Variants in ADA2 observed in about 807,000 individuals in gnomAD.
The protein encoded by ADA2 is adenosine deaminase 2.
A neutral mutation model predicts 44.2 loss-of-function variants in ADA2; 29 were observed. The observed-to-expected ratio is 0.66, with a 90% CI of 0.49 to 0.89. ADA2 has a LOEUF of 0.89. Among genes scored for constraint, ADA2 ranks in the 40% least tolerant of loss-of-function variants. The pLI, the probability that ADA2 is intolerant of heterozygous loss-of-function variation, is 0.00. For missense variants in ADA2, 637 were observed against 644.8 expected (o/e 0.99, Z 0.13); for synonymous variants, 215 against 234.9 (o/e 0.92, Z 0.77).
intron 4 of ADA2, among the ~76,000 whole-genome samples, chr22:17,200,699 T>C (rs554080670): frequency 1.3e-5 from 2 of 152,038 alleles, no homozygotes; most frequent in South Asian, 4.1e-4. Flanking sequence ...CTAGCCAACA[T>C]GGTAAAACCC....
At chr22:17,196,809 C>T (rs5747018) in intron 4 of ADA2, among the ~76,000 whole-genome samples, 89,457 of 152,014 alleles carry the variant, frequency 0.59, 27,250 homozygotes, top group East Asian at 0.91. Flanking sequence ...GGAGTCATGC[C>T]AGCAGAATAG....
intron 4 of ADA2, among the ~76,000 whole-genome samples, chr22:17,198,345 G>T (rs1344861786): frequency 1.3e-5 from 2 of 152,166 alleles, no homozygotes; most frequent in Non-Finnish European, 2.9e-5. Flanking sequence ...TATACAGCTG[G>T]GCTGAAGATC....
intron 7 of ADA2, among the ~76,000 whole-genome samples, chr22:17,184,665 C>T (rs375610081): frequency 4.6e-5 from 7 of 152,040 alleles, no homozygotes; most frequent in South Asian, 2.1e-4. Context: ...CGGTGGCTCA[C>T]ACCTGTAATC....
At chr22:17,213,954 G>T in intron 1 of ADA2, 1 of 326,722 alleles carries the variant, frequency 3.1e-6, no homozygotes, top group Non-Finnish European at 5.9e-6. Flanking sequence ...CAGGAGAATC[G>T]CTTGAACCCG....
In ADA2 at chr22:17,181,588, G is replaced by A; in HGVS notation, c.1443-12C>T. The A allele has an allele frequency of 6.3e-7, 1 of 1,579,842 alleles. No individual in the cohort carries two copies. The highest frequency in any genetic ancestry group is 2.2e-5 in the East Asian group (1 of 44,732). ...ACAGGGTACTGTACCTGCAGGAAGA[G>A]GAGGAGCCCAGGTCAGCCTCAGGGC... On this transcript the variant is annotated splice_polypyrimidine_tract_variant and intron_variant, in intron 9 of 9. Transcript: ENST00000399837.
intron 4 of ADA2, among the ~76,000 whole-genome samples, chr22:17,194,582 C>T (rs1450866111): frequency 6.6e-6 from 1 of 152,096 alleles, no homozygotes; most frequent in Non-Finnish European, 1.5e-5. Context: ...CTCTGCTGCC[C>T]CCATGAAGCC....
At chr22:17,199,416 T>TCCTCCCTCCCTCCTCTATCCTCTTCC in intron 4 of ADA2, 1 of 429,650 alleles carries the variant, frequency 2.3e-6, no homozygotes, top group Non-Finnish European at 4.4e-6. Flanking sequence ...TCTCAGCGTC[T>TCCTCCCTCCCTCCTCTATCCTCTTCC]CCTCCCTCCC....
intron 4 of ADA2, among the ~76,000 whole-genome samples, chr22:17,197,066 G>C (rs533464601): frequency 6.6e-6 from 1 of 151,978 alleles, no homozygotes; most frequent in Admixed American, 6.6e-5. Context: ...CCAACTACTC[G>C]GGAGGCTGAG....
intron 5 of ADA2, 74 bp from the exon 6 acceptor site, chr22:17,190,106 G>A (rs2062096660): frequency 9.8e-6 from 12 of 1,218,376 alleles, no homozygotes; most frequent in South Asian, 4.9e-5. Flanking sequence ...CACACCCTCC[G>A]TGCAGGGCTG....
At chr22:17,201,212 A>G (rs1238082036) in intron 4 of ADA2, among the ~76,000 whole-genome samples, 3 of 152,016 alleles carry the variant, frequency 2.0e-5, no homozygotes, top group African/African-American at 7.2e-5. Flanking sequence ...CAAAAAAAAA[A>G]AAGAAGAAGA....
chr22:17,209,714 C>A lies in ADA2; in HGVS notation c.-37G>T, dbSNP rs2062398032. ...GACTAGGAAAGGGCTCAGATGGAGACTCCACGGGACTGCAAAGGAGAGTGG... is the reference window on the plus strand; with the variant it reads ...GACTAGGAAAGGGCTCAGATGGAGAATCCACGGGACTGCAAAGGAGAGTGG... On this transcript the variant is annotated 5_prime_UTR_variant, in exon 2 of 10. Transcript: ENST00000399837. 6.5e-7 allele frequency: 1 copy of A among 1,542,608 alleles called. No individual in the cohort carries two copies. The highest frequency in any genetic ancestry group is 8.9e-7 in the Non-Finnish European group (1 of 1,129,340).
Position 17,202,783 on chromosome 22 carries a change from T to G in ADA2, c.753+780A>C, listed in dbSNP as rs185105649. Among the ~76,000 whole-genome samples, 286 of 151,702 alleles carry G rather than the reference T, an allele frequency of 1.9e-3. 4 individuals carry two copies. In the East Asian group the frequency reaches 0.043, roughly 23 times the overall value. On this transcript the variant is annotated intron_variant, in intron 4 of 9. Coordinates refer to ENST00000399837, the MANE Select transcript of ADA2 (RefSeq NM_001282225.2). Reference sequence around the variant, plus strand: ...TCTTTTCCTTTCTTTCTTTTTTTTTTTGTGTGTGTGTGTTTTTTGAGACAA... The same window carrying G: ...TCTTTTCCTTTCTTTCTTTTTTTTTGTGTGTGTGTGTGTTTTTTGAGACAA...
chr22:17,197,815 G>T (rs2062211866), intron 4 of ADA2, among the ~76,000 whole-genome samples: 1 of 152,134 alleles, frequency 6.6e-6, no homozygotes, highest in South Asian at 2.1e-4. Context: ...AAGGCGGGCG[G>T]ATCACCTGAG....
At chr22:17,199,447 C>T in intron 4 of ADA2, 2 of 1,119,274 alleles carry the variant, frequency 1.8e-6, no homozygotes, top group East Asian at 4.7e-5. Flanking sequence ...CTCTTCCCCT[C>T]CACCCACGAA....
intron 4 of ADA2, chr22:17,193,212 T>C (rs1381058085): frequency 2.5e-6 from 3 of 1,199,368 alleles, no homozygotes. Context: ...CTCACAACGT[T>C]TCCTCTAAGA....
In ADA2 at chr22:17,197,831, G is replaced by A. The variant is rs111612472; in HGVS notation, c.753+5732C>T. 2.4e-3 allele frequency among the ~76,000 whole-genome samples: 371 copies of A among 152,248 alleles called. 1 individual carries two copies. Among genetic ancestry groups the A allele is most frequent in the African/African-American group, 8.3e-3 (344 of 41,566 alleles). On this transcript the variant is annotated intron_variant, in intron 4 of 9. Transcript: ENST00000399837. ...AGGCGGGCGGATCACCTGAGGTCAC[G>A]AATTCGAGACCAGCCTGACCAACAT...
At chr22:17,204,927 C>A (rs2062337104) in intron 3 of ADA2, among the ~76,000 whole-genome samples, 1 of 151,562 alleles carries the variant, frequency 6.6e-6, no homozygotes, top group Admixed American at 6.6e-5. Flanking sequence ...CCTGGGGTAG[C>A]TGAGACTATA....
chr22:17,188,593 G>T (rs1311031038), intron 6 of ADA2, 146 bp from the exon 7 acceptor site: 13 of 575,194 alleles, frequency 2.3e-5, no homozygotes, highest in East Asian at 1.2e-4. Context: ...GAATGACCAG[G>T]AGCAGGCCAG....
chr22:17,185,179 G>A (rs1325660951), intron 7 of ADA2, among the ~76,000 whole-genome samples: 4 of 151,372 alleles, frequency 2.6e-5, no homozygotes, highest in East Asian at 1.9e-4. Context: ...TTGGGAGGCC[G>A]AGGTGGGCGG....
Sources: allele counts gnomAD v4.1 joint callset (sites outside exome capture counted in the v4.1 genomes callset), GRCh38; gene constraint gnomAD v4.1.1; transcripts MANE v1.5; gene names NCBI Gene and HGNC (gene_info 2026-07-23, HGNC 2026-07-21).